SH3GLB1: variants seen among roughly 807,000 people sequenced by gnomAD.
SH3GLB1 encodes the protein endophilin-B1.
A neutral mutation model predicts 42.0 loss-of-function variants in SH3GLB1; 17 were observed. The observed-to-expected ratio is 0.40, with a 90% CI of 0.28 to 0.61. The LOEUF is 0.61. SH3GLB1 is among the 20% of genes least tolerant of loss of function. SH3GLB1 has a pLI of 0.36. For synonymous variants in SH3GLB1, 132 were observed against 146.6 expected, an observed-to-expected ratio of 0.90 and a Z score of 0.72; for missense variants, 355 against 426.3, an observed-to-expected ratio of 0.83 and a Z score of 1.47.
rs1656255510 is a variant in SH3GLB1 at position 86,745,470 on chromosome 1, A to G, written c.*2235A>G. ...GCTCTGTTTTCTCTCTATCAATCCT[A>G]TCCTCCACCCTCTTTAAATCAGACC... On this transcript the variant is annotated 3_prime_UTR_variant, in exon 9 of 9. Transcript: ENST00000370558. The G allele has an allele frequency of 6.6e-6, 1 of 152,124 alleles. No individual in the cohort carries two copies. Among genetic ancestry groups the G allele is most frequent in the Non-Finnish European group, 1.5e-5 (1 of 68,030 alleles). The allele number at this position is 152,124 out of a possible 1,614,324, so 9.4% of individuals were successfully genotyped here.
Position 86,704,896 on chromosome 1 carries a change from T to A in SH3GLB1, c.-4T>A. 6.4e-7 allele frequency: 1 copy of A among 1,573,654 alleles called. No homozygotes were observed. Among genetic ancestry groups the A allele is most frequent in the Non-Finnish European group, 8.6e-7 (1 of 1,162,682 alleles). On this transcript the variant is annotated 5_prime_UTR_variant, in exon 1 of 9. Transcript: ENST00000370558. ...CGGCCGGCTCCGCCCGGCTGCCGCCTAGGATGAATATCATGGACTTCAACG... is the reference window on the plus strand; with the variant it reads ...CGGCCGGCTCCGCCCGGCTGCCGCCAAGGATGAATATCATGGACTTCAACG...
intron 7 of SH3GLB1, among the ~76,000 whole-genome samples, chr1:86,738,213 A>G (rs1168517601): frequency 1.3e-5 from 2 of 151,992 alleles, no homozygotes; most frequent in Non-Finnish European, 2.9e-5. Context: ...GGAAGTGGTC[A>G]GGTCCTGTGG....
At chr1:86,713,792 A>G (rs974526534) in intron 1 of SH3GLB1, among the ~76,000 whole-genome samples, 1 of 152,190 alleles carries the variant, frequency 6.6e-6, no homozygotes, top group African/African-American at 2.4e-5. Context: ...TATGTCACTC[A>G]GAAACAAACC....
chr1:86,724,882 A>T (rs1191287612), intron 5 of SH3GLB1, among the ~76,000 whole-genome samples: 1,121 of 105,446 alleles, frequency 0.011, 34 homozygotes, highest in African/African-American at 0.041. Context: ...TTTAAAAAAA[A>T]AAAAAAAAAA....
chr1:86,745,012 GTGTTTTA>G lies in SH3GLB1; in HGVS notation c.*1779_*1785del, dbSNP rs1425768166. 1 of 152,138 alleles carries G rather than the reference GTGTTTTA, an allele frequency of 6.6e-6. No individual in the cohort carries two copies. Among genetic ancestry groups the G allele is most frequent in the Non-Finnish European group, 1.5e-5 (1 of 68,020 alleles). 9.4% of individuals were successfully genotyped at this position (152,138 alleles called of 1,614,324 possible). On this transcript the variant is annotated 3_prime_UTR_variant, in exon 9 of 9. Transcript: ENST00000370558. ...TCTACAGCCTAGAGTACCATCTATT[GTGTTTTA>G]TAAGTCCAGATTTAGGCTTTGAAAG... is the stretch of plus-strand genomic sequence containing the variant.
intron 5 of SH3GLB1, among the ~76,000 whole-genome samples, chr1:86,732,409 T>G (rs182638751): frequency 6.6e-6 from 1 of 152,362 alleles, no homozygotes; most frequent in Admixed American, 6.5e-5. Context: ...TCTATCTTTC[T>G]AATGTGGATC....
At chr1:86,719,416 G>C in intron 2 of SH3GLB1, 91 bp from the exon 3 acceptor site, 1 of 1,094,368 alleles carries the variant, frequency 9.1e-7, no homozygotes, top group South Asian at 1.8e-5. Context: ...AACTTTAGGA[G>C]ATGATAAATG....
intron 1 of SH3GLB1, among the ~76,000 whole-genome samples, chr1:86,707,644 ATTTT>A (rs948807467): frequency 1.7e-5 from 2 of 116,518 alleles, no homozygotes; most frequent in African/African-American, 3.3e-5. Context: ...TTTACAGGGT[ATTTT>A]TTTTTTTTTT....
chr1:86,724,278 C>A, intron 4 of SH3GLB1, 35 bp from the exon 5 acceptor site: 1 of 1,448,368 alleles, frequency 6.9e-7, no homozygotes, highest in South Asian at 1.3e-5. Context: ...ATTTTAGCAT[C>A]TTTAGCCCTT....
chr1:86,713,583 TATC>T (rs1654337308), intron 1 of SH3GLB1, among the ~76,000 whole-genome samples: 1 of 152,148 alleles, frequency 6.6e-6, no homozygotes, highest in Non-Finnish European at 1.5e-5. Flanking sequence ...ACATAGTTCA[TATC>T]ATTCAGTCAC....
rs1238953018 is a variant in SH3GLB1 at position 86,735,289 on chromosome 1, A to G, written c.761+110A>G. The G allele has an allele frequency of 1.1e-5, 7 of 651,418 alleles. No homozygotes were observed. In the Admixed American group the frequency reaches 2.1e-4, roughly 20 times the overall value. 40.4% of individuals were successfully genotyped at this position (651,418 alleles called of 1,614,324 possible). On this transcript the variant is annotated intron_variant, in intron 7 of 8. Coordinates refer to ENST00000370558, the MANE Select transcript of SH3GLB1 (RefSeq NM_016009.5). ...TAAAGGTTCTTACTAGCTTTCTTAG[A>G]AATAGTTTCTTTTTTTTAAGGAAAG...
At chr1:86,734,423 A>G in intron 5 of SH3GLB1, 179 bp from the exon 6 acceptor site, 1 of 555,718 alleles carries the variant, frequency 1.8e-6, no homozygotes, top group East Asian at 3.0e-5. Flanking sequence ...AGGTGGAGTA[A>G]TACAGAAAAG....
Position 86,719,757 on chromosome 1 carries a change from T to A in SH3GLB1, c.343+122T>A, listed in dbSNP as rs531710188. On this transcript the variant is annotated intron_variant, in intron 3 of 8. Transcript: ENST00000370558. ...ACACCTGTAATCCCAGCACTTTGGG[T>A]GGTTGAGGTGGGCGGATCATGAGGT... 1,468 of 907,924 alleles carry A rather than the reference T, an allele frequency of 1.6e-3. 16 individuals carry two copies. The African/African-American group carries it at 0.023, about 14-fold the overall frequency. The allele number at this position is 907,924 out of a possible 1,614,324, so 56.2% of individuals were successfully genotyped here.
intron 3 of SH3GLB1, 65 bp from the exon 4 acceptor site, chr1:86,722,475 C>G: frequency 6.9e-7 from 1 of 1,449,700 alleles, no homozygotes; most frequent in Non-Finnish European, 9.2e-7. Flanking sequence ...GCTGATTTAT[C>G]TTTACATGAT....
intron 5 of SH3GLB1, chr1:86,729,989 C>T: frequency 8.8e-7 from 1 of 1,132,012 alleles, no homozygotes; most frequent in Non-Finnish European, 1.3e-6. Context: ...AAAGAGTATG[C>T]CATTTAAACA....
intron 1 of SH3GLB1, among the ~76,000 whole-genome samples, chr1:86,712,760 T>C (rs1444381945): frequency 6.8e-6 from 1 of 146,440 alleles, no homozygotes; most frequent in Non-Finnish European, 1.5e-5. Flanking sequence ...TGAACTAAAA[T>C]AGTTAAAAAA....
rs1656385389 is a variant in SH3GLB1 at position 86,748,035 on chromosome 1, TCAA to T, written c.*4804_*4806del. On this transcript the variant is annotated 3_prime_UTR_variant, in exon 9 of 9. Transcript: ENST00000370558. Reference sequence around the variant, plus strand: ...ATACTGTTTTGTAACTTTTTTTCACTCAACAATACCATGACTGTCTTGCTGTGT... The same window carrying T: ...ATACTGTTTTGTAACTTTTTTTCACTCAATACCATGACTGTCTTGCTGTGT... The T allele has an allele frequency of 6.6e-6, 1 of 152,200 alleles. No individual in the cohort carries two copies. The highest frequency in any genetic ancestry group is 1.5e-5 in the Non-Finnish European group (1 of 68,032). The allele number at this position is 152,200 out of a possible 1,614,324, so 9.4% of individuals were successfully genotyped here.
chr1:86,719,078 C>T (rs988249803), intron 2 of SH3GLB1, among the ~76,000 whole-genome samples: 1 of 152,148 alleles, frequency 6.6e-6, no homozygotes, highest in Non-Finnish European at 1.5e-5. Flanking sequence ...AGATGTAAGT[C>T]TTTGGTTCTT....
At chr1:86,738,405 A>G (rs1261783061) in intron 7 of SH3GLB1, among the ~76,000 whole-genome samples, 1 of 151,948 alleles carries the variant, frequency 6.6e-6, no homozygotes, top group Non-Finnish European at 1.5e-5. Flanking sequence ...AGCGGGGACT[A>G]CAGGCACCCA....
Sources: gnomAD v4.1 joint callset for allele counts (sites outside exome capture counted in the v4.1 genomes callset) on GRCh38, gnomAD v4.1.1 for gene constraint, MANE v1.5 for transcripts, NCBI Gene and HGNC (gene_info 2026-07-23, HGNC 2026-07-21) for gene names.